The following MAML2 variants were observed in gnomAD, a reference collection of about 807,000 sequenced individuals.
The protein encoded by MAML2 is mastermind-like protein 2.
Under a neutral mutation model 96.1 loss-of-function variants are expected in MAML2, and 22 were observed. The ratio of observed to expected loss-of-function variants is 0.23; its 90% confidence interval spans 0.16 to 0.33. The LOEUF (loss-of-function observed/expected upper bound fraction) is 0.33. MAML2 is among the 10% of genes least tolerant of loss of function. MAML2 has a pLI of 1.00. For missense variants in MAML2, 1,367 were observed against 1,392.4 expected (o/e 0.98, Z 0.29); for synonymous variants, 561 against 521.3 (o/e 1.08, Z -1.04).
chr11:96,036,800 T>A (rs1274576921), intron 2 of MAML2, among the ~76,000 whole-genome samples: 1 of 152,206 alleles, frequency 6.6e-6, no homozygotes. Flanking sequence ...TCCCCAGGAA[T>A]GACAGTATAT....
intron 2 of MAML2, among the ~76,000 whole-genome samples, chr11:96,046,489 T>C (rs1858903331): frequency 6.6e-6 from 1 of 152,210 alleles, no homozygotes; most frequent in South Asian, 2.1e-4. Flanking sequence ...TACTGTAAGA[T>C]ACGAGTTACC....
At position 96,341,833 on chromosome 11, in the gene MAML2, C is replaced by A; in HGVS notation, c.63G>T (p.Gly21=). 2 of 1,579,276 alleles carry A rather than the reference C, an allele frequency of 1.3e-6. No individual in the cohort carries two copies. The highest frequency in any genetic ancestry group is 1.7e-6 in the Non-Finnish European group (2 of 1,166,602). ...AGGLGGASGA[G]LLGGGSVTPR... ...GGGTGACTGAGCCCCCTCCAAGGAG[C>A]CCCGCCCCAGAGGCCCCCCCTAGCC... The change falls in exon 1 of 5, where the codon GGG becomes GGT. Residue 21 remains glycine (G), a synonymous_variant. Transcript: ENST00000524717.
In MAML2 at chr11:95,979,780, G is replaced by C. The variant is rs1329361081; in HGVS notation, c.2639C>G (p.Thr880Arg). 1 of 1,613,944 alleles carries C rather than the reference G, an allele frequency of 6.2e-7. No homozygotes were observed. Among genetic ancestry groups the C allele is most frequent in the Admixed American group, 1.7e-5 (1 of 60,010 alleles). ...YGNLPCNQPNTYSVTSGMNQL... is the reference protein window; with the variant it reads ...YGNLPCNQPNRYSVTSGMNQL... ...ATTCATTCCTGAAGTGACACTGTATGTGTTAGGTTGATTACAAGGCAGATT... is the reference window on the plus strand; with the variant it reads ...ATTCATTCCTGAAGTGACACTGTATCTGTTAGGTTGATTACAAGGCAGATT... Residue 880 changes from threonine (T) to arginine (R), a missense_variant, in exon 5 of 5, where the codon ACA becomes AGA. Thr to Arg is a moderately conservative substitution (Grantham distance 71). Transcript: ENST00000524717.
chr11:96,210,200 C>T (rs1284963063), intron 1 of MAML2, among the ~76,000 whole-genome samples: 1 of 152,156 alleles, frequency 6.6e-6, no homozygotes, highest in Non-Finnish European at 1.5e-5. Context: ...ATCTCCACCT[C>T]CTGAGTTCAA....
intron 3 of MAML2, among the ~76,000 whole-genome samples, chr11:95,988,987 C>A (rs1312141511): frequency 6.6e-6 from 1 of 152,046 alleles, no homozygotes; most frequent in Non-Finnish European, 1.5e-5. Context: ...AATTATAGGA[C>A]CTCCCTCATA....
Position 96,092,987 on chromosome 11 carries a change from G to A in MAML2, c.1044C>T (p.Ser348=), listed in dbSNP as rs1264359657. The change falls in exon 2 of 5, where the codon AGC becomes AGT. Residue 348 remains serine (S), a synonymous_variant. Transcript: ENST00000524717. The surrounding 1 kb of genome is among the most constrained non-coding windows in gnomAD (Gnocchi z 4.1). ...AGGAGGGCCTAGGTGTGCTCCTCTG[G>A]CTTTGCTGACCCAAGTCAATGTTAA... ...DPFNIDLGQQ[S]QRSTPRPSLP... 6.2e-7 allele frequency: 1 copy of A among 1,613,904 alleles called. No individual in the cohort carries two copies. The highest frequency in any genetic ancestry group is 8.5e-7 in the Non-Finnish European group (1 of 1,179,846).
chr11:96,250,716 A>G (rs976002657), intron 1 of MAML2, among the ~76,000 whole-genome samples: 1 of 152,230 alleles, frequency 6.6e-6, no homozygotes, highest in African/African-American at 2.4e-5. Context: ...TTTTAAAATG[A>G]CAAGTGTTCA....
intron 1 of MAML2, among the ~76,000 whole-genome samples, chr11:96,196,345 T>C (rs1199393023): frequency 6.6e-6 from 1 of 152,212 alleles, no homozygotes; most frequent in Non-Finnish European, 1.5e-5. Flanking sequence ...GGACTCGGCT[T>C]AAAAAACCTT....
At chr11:96,070,577 G>C (rs886520466) in intron 2 of MAML2, among the ~76,000 whole-genome samples, 6 of 152,248 alleles carry the variant, frequency 3.9e-5, no homozygotes, top group African/African-American at 1.4e-4. Flanking sequence ...GCTGGTACCT[G>C]TGTAGGCACC....
At chr11:96,031,348 T>C (rs545793276) in intron 2 of MAML2, among the ~76,000 whole-genome samples, 1 of 151,952 alleles carries the variant, frequency 6.6e-6, no homozygotes, top group African/African-American at 2.4e-5. Flanking sequence ...TGTGTGTGTG[T>C]GTGTGTGTGT....
intron 1 of MAML2, among the ~76,000 whole-genome samples, chr11:96,328,865 C>T (rs1863819129): frequency 1.3e-5 from 2 of 152,148 alleles, no homozygotes; most frequent in African/African-American, 2.4e-5. Flanking sequence ...TCCCCTCCCC[C>T]AGGGCAATTT....
intron 2 of MAML2, among the ~76,000 whole-genome samples, chr11:96,031,608 T>A (rs1321762507): frequency 1.3e-5 from 2 of 152,202 alleles, no homozygotes; most frequent in African/African-American, 2.4e-5. Flanking sequence ...TTCATGCTTT[T>A]TTTTGCATGC....
Position 96,120,471 on chromosome 11 carries a change from GA to G in MAML2, c.514-26955del, listed in dbSNP as rs554862335. 9.2e-5 allele frequency among the ~76,000 whole-genome samples: 14 copies of G among 152,304 alleles called. No individual in the cohort carries two copies. In the South Asian group the frequency reaches 2.7e-3, roughly 29 times the overall value. On this transcript the variant is annotated intron_variant, in intron 1 of 4. Transcript: ENST00000524717. ...CTCCACATGCTCAGGTATGAAGCCA[GA>G]AGCCCAGATCCTGACAGATCGCACC...
chr11:96,011,118 C>CT (rs1858258590), intron 2 of MAML2, among the ~76,000 whole-genome samples: 1 of 152,150 alleles, frequency 6.6e-6, no homozygotes, highest in Admixed American at 6.5e-5. Context: ...TTATGCACTG[C>CT]TGGTGGGAAT....
Position 96,138,283 on chromosome 11 carries a change from T to G in MAML2, c.514-44766A>C, listed in dbSNP as rs1860669347. Among the ~76,000 whole-genome samples the G allele has an allele frequency of 2.6e-5, 4 of 152,206 alleles. No homozygotes were observed. In the South Asian group the frequency reaches 8.3e-4, roughly 32 times the overall value. On this transcript the variant is annotated intron_variant, in intron 1 of 4. Transcript: ENST00000524717. ...GCTGAATCCCTGAAAGCTATTCCTT[T>G]GTCTCCCTCTTCAAGTACTGATTTC...
intron 1 of MAML2, among the ~76,000 whole-genome samples, chr11:96,276,609 G>A (rs1383755533): frequency 6.6e-6 from 1 of 152,098 alleles, no homozygotes; most frequent in African/African-American, 2.4e-5. Flanking sequence ...TTATAATTGA[G>A]GCAGAGCATA....
At chr11:95,998,450 A>G (rs1275617679) in intron 2 of MAML2, among the ~76,000 whole-genome samples, 4 of 152,166 alleles carry the variant, frequency 2.6e-5, no homozygotes, top group Admixed American at 6.6e-5. Context: ...GGTACTGACT[A>G]AGAATAACCT....
At chr11:96,247,999 T>G (rs1266494612) in intron 1 of MAML2, among the ~76,000 whole-genome samples, 1 of 152,174 alleles carries the variant, frequency 6.6e-6, no homozygotes, top group African/African-American at 2.4e-5. Flanking sequence ...ATGTACTGGA[T>G]TTTGAAAATT....
intron 2 of MAML2, among the ~76,000 whole-genome samples, chr11:96,038,296 C>T (rs1366586278): frequency 6.6e-6 from 1 of 152,142 alleles, no homozygotes; most frequent in African/African-American, 2.4e-5. Flanking sequence ...TATCGACATA[C>T]ACATCTTCAT....
Sources: gnomAD v4.1 joint callset for allele counts (sites outside exome capture counted in the v4.1 genomes callset) on GRCh38, gnomAD v4.1.1 for gene constraint, Gnocchi (gnomAD v3.1) non-coding constraint, MANE v1.5 for transcripts, NCBI Gene and HGNC (gene_info 2026-07-23, HGNC 2026-07-21) for gene names.